The following RPSA2 variants were observed in gnomAD, a reference collection of about 807,000 sequenced individuals.
RPSA2 encodes the protein ribosomal protein SA 2.
chr19:23,867,532 C>A, the RPSA2 span, among the ~76,000 whole-genome samples: 2 of 12,700 alleles, frequency 1.6e-4, no homozygotes, highest in Non-Finnish European at 2.5e-4. Flanking sequence ...ACTGGAAAGA[C>A]AGACAAAAAA....
chr19:23,806,538 A>C, the RPSA2 span, among the ~76,000 whole-genome samples: 148,674 of 151,994 alleles, frequency 0.98, 72,808 homozygotes, highest in Middle Eastern at 1. Context: ...GTAATCCCAA[A>C]ACTTTGGGAG....
At chr19:23,806,544 G>T in the RPSA2 span, among the ~76,000 whole-genome samples, 1 of 151,898 alleles carries the variant, frequency 6.6e-6, no homozygotes. Flanking sequence ...CCAAAACTTT[G>T]GGAGACTGAG....
chr19:23,796,117 CTTA>C, the RPSA2 span, among the ~76,000 whole-genome samples: 7 of 152,270 alleles, frequency 4.6e-5, no homozygotes, highest in South Asian at 1.5e-3. Context: ...TCATAAATAA[CTTA>C]TTATTGTAAA....
chr19:23,833,125 G>A, the RPSA2 span: 5 of 1,219,568 alleles, frequency 4.1e-6, no homozygotes, highest in South Asian at 8.2e-5. Flanking sequence ...AATTCTTACT[G>A]GTTTAAAACC....
chr19:23,788,510 C>T, the RPSA2 span, among the ~76,000 whole-genome samples: 5 of 152,110 alleles, frequency 3.3e-5, no homozygotes, highest in Non-Finnish European at 7.4e-5. Flanking sequence ...AAACATTTTG[C>T]ATTGTGACAT....
the RPSA2 span, chr19:23,817,782 G>A: frequency 6.6e-6 from 1 of 152,210 alleles, no homozygotes; most frequent in Non-Finnish European, 1.5e-5. Flanking sequence ...ATCAAACAGT[G>A]ACAGGTTATG....
the RPSA2 span, chr19:23,817,746 T>A: frequency 1.3e-5 from 2 of 152,282 alleles, no homozygotes; most frequent in South Asian, 2.1e-4. Context: ...GTAAGCAGGC[T>A]CACAGAAGCA....
chr19:23,822,646 T>C, the RPSA2 span, among the ~76,000 whole-genome samples: 3,322 of 152,178 alleles, frequency 0.022, 130 homozygotes, highest in African/African-American at 0.076. Context: ...CTGGTGTGGG[T>C]AAATTGAAGG....
At chr19:23,770,711 T>C in the RPSA2 span, among the ~76,000 whole-genome samples, 3 of 152,154 alleles carry the variant, frequency 2.0e-5, no homozygotes, top group Admixed American at 1.3e-4. Context: ...CATTGTAACA[T>C]ATCACTGGGC....
At chr19:23,779,544 C>T in the RPSA2 span, among the ~76,000 whole-genome samples, 2 of 152,088 alleles carry the variant, frequency 1.3e-5, no homozygotes, top group African/African-American at 4.8e-5. Flanking sequence ...TTGCTAATCA[C>T]CTAAGTGATA....
chr19:23,761,789 A>T, the RPSA2 span, among the ~76,000 whole-genome samples: 1 of 151,886 alleles, frequency 6.6e-6, no homozygotes, highest in Non-Finnish European at 1.5e-5. Context: ...GATTTTAAAA[A>T]AGAGAAGTCA....
At chr19:23,758,674 C>T in the RPSA2 span, 1 of 1,612,120 alleles carries the variant, frequency 6.2e-7, no homozygotes, top group African/African-American at 1.3e-5. Flanking sequence ...AATTGTGGAG[C>T]TGACTGCGGC....
chr19:23,822,692 T>TCCTG, the RPSA2 span, among the ~76,000 whole-genome samples: 64 of 152,136 alleles, frequency 4.2e-4, no homozygotes, highest in Non-Finnish European at 6.8e-4. Context: ...CTTCTTCACC[T>TCCTG]CCTGGGACAG....
the RPSA2 span, among the ~76,000 whole-genome samples, chr19:23,855,538 G>A: frequency 1.1e-4 from 17 of 152,254 alleles, no homozygotes; most frequent in Admixed American, 2.6e-4. Flanking sequence ...GTTTGTTTTG[G>A]CATAATAAGC....
chr19:23,772,288 C>T, the RPSA2 span, among the ~76,000 whole-genome samples: 1 of 152,164 alleles, frequency 6.6e-6, no homozygotes, highest in South Asian at 2.1e-4. Flanking sequence ...GCTGTGCTTT[C>T]AGGAGAGAAT....
chr19:23,844,055 G>C, the RPSA2 span, among the ~76,000 whole-genome samples: 1 of 152,054 alleles, frequency 6.6e-6, no homozygotes, highest in Non-Finnish European at 1.5e-5. Flanking sequence ...CACCGCACCT[G>C]GCCTCTATTT....
the RPSA2 span, among the ~76,000 whole-genome samples, chr19:23,830,051 G>GTTT: frequency 7.0e-4 from 104 of 148,266 alleles, no homozygotes; most frequent in Middle Eastern, 3.4e-3. Flanking sequence ...ACTTTGGAAG[G>GTTT]TTTTTTTTTT....
chr19:23,847,097 C>T, the RPSA2 span, among the ~76,000 whole-genome samples: 1 of 151,860 alleles, frequency 6.6e-6, no homozygotes, highest in African/African-American at 2.4e-5. Flanking sequence ...TTTTAAAAGA[C>T]CTGTTTAAAG....
chr19:23,759,720 C>T, the RPSA2 span, among the ~76,000 whole-genome samples: 1 of 151,680 alleles, frequency 6.6e-6, no homozygotes, highest in African/African-American at 2.4e-5. Context: ...GACGGGGTTT[C>T]ACTATGTTGG....
Sources: allele counts gnomAD v4.1 joint callset (sites outside exome capture counted in the v4.1 genomes callset), GRCh38; gene constraint gnomAD v4.1.1; transcripts MANE v1.5; gene names NCBI Gene and HGNC (gene_info 2026-07-23, HGNC 2026-07-21).